ZNF90: variants seen among roughly 807,000 people sequenced by gnomAD.
ZNF90 encodes the protein zinc finger protein 90, also known as zinc finger protein HTF9.
In ZNF90, 11 loss-of-function variants were observed where a neutral mutation model predicts 12.0. The observed-to-expected ratio is 0.92, with a 90% CI of 0.58 to 1.52. ZNF90 has a LOEUF of 1.52. Among genes scored for constraint, ZNF90 ranks in the 40% most tolerant of loss-of-function variants. The probability of loss-of-function intolerance (pLI) is 0.00; values close to 1 mark genes in which losing one functional copy is unlikely to be tolerated. For synonymous variants in ZNF90, 232 were observed against 240.1 expected (o/e 0.97, Z 0.31); for missense variants, 765 against 711.5 (o/e 1.08, Z -0.86).
chr19:20,084,005 C>A (rs1555701787), intron 1 of ZNF90, among the ~76,000 whole-genome samples: 2 of 152,064 alleles, frequency 1.3e-5, no homozygotes, highest in African/African-American at 4.8e-5. Flanking sequence ...ATCCAACTGC[C>A]TTGGCCTCCC....
chr19:20,080,810 C>T (rs2088814776), intron 1 of ZNF90, among the ~76,000 whole-genome samples: 1 of 152,194 alleles, frequency 6.6e-6, no homozygotes, highest in Non-Finnish European at 1.5e-5. Context: ...TGTGCTGACT[C>T]TGGGTGGTGT....
intron 3 of ZNF90, among the ~76,000 whole-genome samples, chr19:20,115,509 T>G (rs552474394): frequency 1.3e-4 from 20 of 151,566 alleles, no homozygotes; most frequent in South Asian, 1.2e-3. Flanking sequence ...CCATGGGGGA[T>G]TCTATAAAAA....
intron 1 of ZNF90, among the ~76,000 whole-genome samples, chr19:20,094,465 T>A (rs144833481): frequency 0.02 from 2,999 of 152,306 alleles, 99 homozygotes; most frequent in African/African-American, 0.068. Context: ...CATCTTCACC[T>A]TGGGTAGTTT....
chr19:20,091,311 C>G (rs1167818384), intron 1 of ZNF90, among the ~76,000 whole-genome samples: 1 of 151,976 alleles, frequency 6.6e-6, no homozygotes, highest in Admixed American at 6.6e-5. Flanking sequence ...GAAGTGATCT[C>G]CTTGAGGATA....
At chr19:20,108,999 A>G (rs2089063712) in intron 3 of ZNF90, among the ~76,000 whole-genome samples, 2 of 152,052 alleles carry the variant, frequency 1.3e-5, no homozygotes, top group South Asian at 2.1e-4. Context: ...CTGGGATTAC[A>G]GTCTTGAGCC....
At position 20,119,375 on chromosome 19, in the gene ZNF90, C is replaced by G; in HGVS notation, c.*15C>G. ...CAAATCTTTGAAATATTCCTCAACC[C>G]TTAATAAACATAAGATAATTCATAC... is the stretch of plus-strand genomic sequence containing the variant. On this transcript the variant is annotated 3_prime_UTR_variant, in exon 4 of 4. Transcript: ENST00000418063. 6.4e-7 allele frequency: 1 copy of G among 1,552,330 alleles called. No homozygotes were observed. Among genetic ancestry groups the G allele is most frequent in the African/African-American group, 1.4e-5 (1 of 72,826 alleles).
intron 1 of ZNF90, among the ~76,000 whole-genome samples, chr19:20,078,985 G>A (rs997245224): frequency 6.6e-6 from 1 of 152,012 alleles, no homozygotes; most frequent in African/African-American, 2.4e-5. Context: ...CTGGAGTGGT[G>A]CCAAGCGCCT....
chr19:20,078,049 C>G lies in ZNF90; in HGVS notation c.-84C>G. 3.2e-6 allele frequency: 5 copies of G among 1,583,924 alleles called. No homozygotes were observed. Among genetic ancestry groups the G allele is most frequent in the South Asian group, 1.1e-5 (1 of 90,462 alleles). Reference sequence around the variant, plus strand: ...GCTCCAAATCTGGTCTTAGCTGCTTCGTGTCTTCTTCTCCAGCCTCTGTGG... The same window carrying G: ...GCTCCAAATCTGGTCTTAGCTGCTTGGTGTCTTCTTCTCCAGCCTCTGTGG... On this transcript the variant is annotated 5_prime_UTR_variant, in exon 1 of 4. Transcript: ENST00000418063.
At chr19:20,082,764 T>C (rs1180687396) in intron 1 of ZNF90, among the ~76,000 whole-genome samples, 1 of 152,068 alleles carries the variant, frequency 6.6e-6, no homozygotes, top group Non-Finnish European at 1.5e-5. Flanking sequence ...CCATAAAGGG[T>C]CTGTGCTGAG....
rs1419252854 is a variant in ZNF90 at position 20,117,046 on chromosome 19, T to TGTGAGA, written c.227-734_227-733insTGAGAG. On this transcript the variant is annotated intron_variant, in intron 3 of 3. Transcript: ENST00000418063. ...GTGTGTGTGTGTGTGTGTGTGTGTGTGAGAGAGAGAGAGAGAGACAGAATG... is the reference window on the plus strand; with the variant it reads ...GTGTGTGTGTGTGTGTGTGTGTGTGTGTGAGAGAGAGAGAGAGAGAGAGACAGAATG... Among the ~76,000 whole-genome samples the TGTGAGA allele has an allele frequency of 3.5e-5, 5 of 140,940 alleles. No individual in the cohort carries two copies. In the Admixed American group the frequency reaches 3.6e-4, roughly 10 times the overall value. The allele number at this position is 140,940 out of a possible 152,430, so 92.5% of individuals were successfully genotyped here.
intron 3 of ZNF90, among the ~76,000 whole-genome samples, chr19:20,110,025 A>G (rs1446426697): frequency 6.6e-6 from 1 of 152,214 alleles, no homozygotes; most frequent in Non-Finnish European, 1.5e-5. Flanking sequence ...ATTTCATATA[A>G]GTGAAATCAT....
intron 3 of ZNF90, among the ~76,000 whole-genome samples, chr19:20,114,974 CA>C (rs2089124088): frequency 6.6e-6 from 1 of 152,138 alleles, no homozygotes; most frequent in Non-Finnish European, 1.5e-5. Flanking sequence ...CACACGCACA[CA>C]AATACACACA....
intron 1 of ZNF90, among the ~76,000 whole-genome samples, chr19:20,081,253 A>G (rs1440744223): frequency 6.6e-6 from 1 of 151,964 alleles, no homozygotes; most frequent in Admixed American, 6.6e-5. Flanking sequence ...CAGTGGTGCC[A>G]TCTCGGCTCA....
intron 3 of ZNF90, among the ~76,000 whole-genome samples, chr19:20,113,052 AAT>A (rs1555705297): frequency 6.6e-6 from 1 of 152,230 alleles, no homozygotes; most frequent in Non-Finnish European, 1.5e-5. Context: ...AGCAAAATTA[AAT>A]ATGAATAAGC....
chr19:20,100,905 AG>A (rs1555703799), intron 1 of ZNF90, among the ~76,000 whole-genome samples: 1 of 152,192 alleles, frequency 6.6e-6, no homozygotes, highest in Non-Finnish European at 1.5e-5. Flanking sequence ...CTGAGAGCAG[AG>A]GGGGAGGGAC....
intron 3 of ZNF90, among the ~76,000 whole-genome samples, chr19:20,106,697 C>G (rs970652055): frequency 6.6e-6 from 1 of 152,376 alleles, no homozygotes; most frequent in East Asian, 1.9e-4. Context: ...TCGTGATCCA[C>G]CCGCCTTGGC....
At chr19:20,094,378 T>G (rs1555703038) in intron 1 of ZNF90, among the ~76,000 whole-genome samples, 1 of 152,238 alleles carries the variant, frequency 6.6e-6, no homozygotes, top group Non-Finnish European at 1.5e-5. Context: ...TAAGGCGGCC[T>G]TCTGGCCCCT....
chr19:20,088,621 C>T lies in ZNF90; in HGVS notation c.3+10486C>T, dbSNP rs368327749. On this transcript the variant is annotated intron_variant, in intron 1 of 3. Coordinates refer to ENST00000418063, the MANE Select transcript of ZNF90 (RefSeq NM_007138.2). ...CAGATTGATTTAGGTAAAAACAACA[C>T]TCTTCATTTAAGAATATGCAGGGTC... is the stretch of plus-strand genomic sequence containing the variant. Among the ~76,000 whole-genome samples the T allele has an allele frequency of 1.4e-3, 213 of 152,284 alleles. 1 individual carries two copies. The highest frequency in any genetic ancestry group is 5.1e-3 in the African/African-American group (212 of 41,556).
chr19:20,106,556 C>T (rs1599649977), intron 3 of ZNF90, among the ~76,000 whole-genome samples: 1 of 152,292 alleles, frequency 6.6e-6, no homozygotes, highest in South Asian at 2.1e-4. Flanking sequence ...CAGGTTCACG[C>T]CATTCTCCTG....
Sources: allele counts gnomAD v4.1 joint callset (sites outside exome capture counted in the v4.1 genomes callset), GRCh38; gene constraint gnomAD v4.1.1; transcripts MANE v1.5; gene names NCBI Gene and HGNC (gene_info 2026-07-23, HGNC 2026-07-21).